ARHGAP32: variants seen among roughly 807,000 people sequenced by gnomAD.
The protein encoded by ARHGAP32 is rho GTPase-activating protein 32.
ARHGAP32 carries 51 observed loss-of-function variants against 186.5 expected under a neutral mutation model. The observed-to-expected ratio is 0.27, with a 90% CI of 0.22 to 0.35. The LOEUF is 0.35. Ranked by LOEUF, ARHGAP32 falls within the 10% of genes least tolerant of loss-of-function variation. The pLI is 1.00. For synonymous variants in ARHGAP32, 950 were observed against 964.3 expected, an observed-to-expected ratio of 0.99 and a Z score of 0.27; for missense variants, 2,186 against 2,623.5, an observed-to-expected ratio of 0.83 and a Z score of 3.64.
chr11:129,032,578 G>A (rs1219072769), intron 11 of ARHGAP32, among the ~76,000 whole-genome samples: 2 of 152,104 alleles, frequency 1.3e-5, no homozygotes, highest in Admixed American at 6.5e-5. Flanking sequence ...CAGAGAAAAA[G>A]TTCTCTGGTT....
intron 2 of ARHGAP32, among the ~76,000 whole-genome samples, chr11:129,129,574 C>T (rs561635912): frequency 5.3e-5 from 8 of 152,240 alleles, no homozygotes; most frequent in African/African-American, 9.6e-5. Context: ...ATGACGACGG[C>T]GGTTTTGTCA....
intron 1 of ARHGAP32, among the ~76,000 whole-genome samples, chr11:129,189,139 T>C (rs1944224141): frequency 6.6e-6 from 1 of 152,210 alleles, no homozygotes. Flanking sequence ...AAACTTGAGA[T>C]ATCAGCTGTA....
chr11:129,137,228 T>C (rs1172581648), intron 2 of ARHGAP32, among the ~76,000 whole-genome samples: 1 of 151,608 alleles, frequency 6.6e-6, no homozygotes, highest in Non-Finnish European at 1.5e-5. Context: ...TTTCTTACAC[T>C]TAAAAAAAAT....
chr11:129,108,296 A>C (rs976841860), intron 5 of ARHGAP32, among the ~76,000 whole-genome samples: 1 of 152,170 alleles, frequency 6.6e-6, no homozygotes, highest in African/African-American at 2.4e-5. Context: ...TTGAAAATGA[A>C]AAGATGAAAA....
In ARHGAP32 at chr11:128,981,425, C is replaced by T. The variant is rs1591495604; in HGVS notation, c.1771G>A (p.Glu591Lys). Residue 591 changes from glutamate (E) to lysine (K), a missense_variant, in exon 17 of 23, where the codon GAG becomes AAG. Physicochemically the swap from Glu to Lys is moderately conservative, Grantham distance 56. Transcript: ENST00000682385. The stretch of plus-strand genomic sequence containing the variant: ...GCCATCGGAGCCGTACCTGCCCCCT[C>T]TTGCATGGCCATGCTGATTCTGCCG... ...FSGRISMAMQ[E>K]GAASLSRPKS... 1.2e-6 allele frequency: 2 copies of T among 1,603,412 alleles called. No homozygotes were observed. The highest frequency in any genetic ancestry group is 1.7e-6 in the Non-Finnish European group (2 of 1,172,534).
intron 1 of ARHGAP32, among the ~76,000 whole-genome samples, chr11:129,216,189 G>A (rs1002870988): frequency 3.3e-5 from 5 of 152,076 alleles, no homozygotes; most frequent in African/African-American, 9.7e-5. Context: ...GTAATTTGTT[G>A]CAGCAGCAAC....
Position 128,974,465 on chromosome 11 carries a change from C to T in ARHGAP32, c.2732G>A (p.Arg911Gln), listed in dbSNP as rs777428169. ...VVYAFSPKIGRKLSKSPSMSI... is the reference protein window; with the variant it reads ...VVYAFSPKIGQKLSKSPSMSI... ...CATAGAAGGTGATTTGCTTAATTTC[C>T]GTCCTATCTTCGGAGAGAAAGCATA... The change falls in exon 21 of 23, where the codon CGG (arginine) becomes CAG (glutamine). Residue 911 changes from arginine to glutamine, a missense_variant. Arg to Gln is a conservative substitution (Grantham distance 43). Around this residue, in one of 5 missense-constraint regions of ARHGAP32, gnomAD observed 1,502 missense variants for 1,570.0 expected, o/e 0.96. Coordinates refer to ENST00000682385, the MANE Select transcript of ARHGAP32 (RefSeq NM_001378024.1). The T allele has an allele frequency of 3.8e-5, 61 of 1,614,036 alleles. No homozygotes were observed. Among genetic ancestry groups the T allele is most frequent in the Middle Eastern group, 1.6e-4 (1 of 6,084 alleles).
intron 8 of ARHGAP32, 137 bp downstream of exon 8, chr11:129,064,704 A>C: frequency 1.6e-6 from 1 of 624,410 alleles, no homozygotes; most frequent in East Asian, 2.9e-5. Flanking sequence ...TCACGTATCT[A>C]TCCTCCCAGA....
intron 1 of ARHGAP32, among the ~76,000 whole-genome samples, chr11:129,242,541 A>G (rs917718642): frequency 2.0e-5 from 3 of 151,950 alleles, no homozygotes; most frequent in African/African-American, 4.8e-5. Context: ...ACACAGTGAA[A>G]CCCTGTCTCT....
At chr11:129,072,363 C>T (rs1422553390) in intron 6 of ARHGAP32, among the ~76,000 whole-genome samples, 1 of 152,168 alleles carries the variant, frequency 6.6e-6, no homozygotes, top group Non-Finnish European at 1.5e-5. Flanking sequence ...ATTCATGATA[C>T]AGTTCCATTT....
intron 11 of ARHGAP32, among the ~76,000 whole-genome samples, chr11:129,025,805 TTA>T (rs1938814162): frequency 7.0e-6 from 1 of 143,254 alleles, no homozygotes; most frequent in Non-Finnish European, 1.5e-5. Flanking sequence ...ACATCCATGT[TTA>T]TGTTATGTAA....
At chr11:129,030,565 A>T (rs1939066583) in intron 11 of ARHGAP32, 1 of 151,992 alleles carries the variant, frequency 6.6e-6, no homozygotes, top group Admixed American at 6.6e-5. Flanking sequence ...GCACTTAACT[A>T]GTCTTAAAGA....
intron 11 of ARHGAP32, among the ~76,000 whole-genome samples, chr11:129,015,174 T>G (rs898332009): frequency 1.6e-4 from 25 of 152,300 alleles, no homozygotes; most frequent in African/African-American, 6.0e-4. Flanking sequence ...TTAACCTGAC[T>G]ACTATTTAAA....
chr11:129,193,695 A>T (rs1407094563), upstream of ARHGAP32, among the ~76,000 whole-genome samples: 8 of 30,168 alleles, frequency 2.7e-4, no homozygotes, highest in South Asian at 5.4e-4. Flanking sequence ...TATATTATAT[A>T]ATATATAATA....
At chr11:129,213,862 AG>A (rs35763910) in intron 1 of ARHGAP32, among the ~76,000 whole-genome samples, 29,422 of 152,010 alleles carry the variant, frequency 0.19, 3,038 homozygotes, top group Non-Finnish European at 0.22. Context: ...GAGAATAAAT[AG>A]TTTTGTAGGG....
In ARHGAP32 at chr11:128,998,417, G is replaced by T. The variant is rs776346466; in HGVS notation, c.1097C>A (p.Ser366Tyr). 1.3e-6 allele frequency: 2 copies of T among 1,593,976 alleles called. No homozygotes were observed. The highest frequency in any genetic ancestry group is 1.7e-6 in the Non-Finnish European group (2 of 1,169,108). The change falls in exon 12 of 23, where the codon TCT becomes TAT. Residue 366 changes from serine (S) to tyrosine (Y), a missense_variant. Ser to Tyr is a moderately radical substitution (Grantham distance 144, BLOSUM62 -2). This residue lies in a region of ARHGAP32 where 308 missense variants were observed against 596.5 expected (regional missense o/e 0.52). Transcript: ENST00000682385. ...LITFLRTFMK[S>Y]RPTKQKLKQR... ...CTTCAGCTTCTGTTTTGTTGGACGA[G>T]ACTTCATGAATGTTCGTAAGAACGT...
rs564450301 is a variant in ARHGAP32, at chr11:129,086,411, C to T, written c.531+7210G>A. 3.3e-5 allele frequency among the ~76,000 whole-genome samples: 5 copies of T among 152,190 alleles called. No individual in the cohort carries two copies. The South Asian group carries it at 1.0e-3, about 32-fold the overall frequency. ...TTTAAAAAACACAAAAGGCATGATCCATGAAAAAGATAAATAATAATCTGG... is the reference window on the plus strand; with the variant it reads ...TTTAAAAAACACAAAAGGCATGATCTATGAAAAAGATAAATAATAATCTGG... On this transcript the variant is annotated intron_variant, in intron 6 of 22. Coordinates refer to ENST00000682385, the MANE Select transcript of ARHGAP32 (RefSeq NM_001378024.1).
chr11:129,073,860 C>T (rs1294783592), intron 6 of ARHGAP32, among the ~76,000 whole-genome samples: 1 of 151,766 alleles, frequency 6.6e-6, no homozygotes, highest in Non-Finnish European at 1.5e-5. Context: ...AAACACCTTA[C>T]CTATAGAGGG....
At chr11:129,091,101 G>C (rs1941566195) in intron 6 of ARHGAP32, among the ~76,000 whole-genome samples, 1 of 151,994 alleles carries the variant, frequency 6.6e-6, no homozygotes, top group Non-Finnish European at 1.5e-5. Flanking sequence ...GGAGTTGTGG[G>C]CTCACCACAG....
Sources: allele counts gnomAD v4.1 joint callset (sites outside exome capture counted in the v4.1 genomes callset), GRCh38; gene constraint gnomAD v4.1.1; regional missense constraint gnomAD v4.1.1; transcripts MANE v1.5; gene names NCBI Gene and HGNC (gene_info 2026-07-23, HGNC 2026-07-21).